PTPRA: variants seen among roughly 807,000 people sequenced by gnomAD.
PTPRA encodes the protein protein tyrosine phosphatase receptor type A.
In PTPRA, 25 loss-of-function variants were observed where a neutral mutation model predicts 104.8. The observed-to-expected ratio is 0.24, with a 90% CI of 0.17 to 0.33. PTPRA has a LOEUF of 0.33. Ranked by LOEUF, PTPRA falls within the 10% of genes least tolerant of loss-of-function variation. The pLI is 1.00. For synonymous variants in PTPRA, 323 were observed against 368.9 expected, an observed-to-expected ratio of 0.88 and a Z score of 1.43; for missense variants, 765 against 1,015.3, an observed-to-expected ratio of 0.75 and a Z score of 3.35.
intron 5 of PTPRA, among the ~76,000 whole-genome samples, chr20:2,966,691 GT>G (rs761816087): frequency 1.1e-4 from 17 of 152,144 alleles, no homozygotes; most frequent in Non-Finnish European, 2.4e-4. Context: ...TCTATTTTAT[GT>G]TTTATAGGTG....
At chr20:2,865,303 C>T in the PTPRA span, 14 of 1,614,050 alleles carry the variant, frequency 8.7e-6, no homozygotes, top group Non-Finnish European at 1.7e-6. This position sits in a 1 kb window ranked among gnomAD's most constrained non-coding sequence, Gnocchi z 5.2. Flanking sequence ...GTGACTTCCG[C>T]ATCCCTGACA....
intron 1 of PTPRA, among the ~76,000 whole-genome samples, chr20:2,882,460 A>T (rs1375181280): frequency 2.7e-5 from 4 of 150,784 alleles, no homozygotes; most frequent in Non-Finnish European, 5.9e-5. Flanking sequence ...TATTTTTTTT[A>T]TTTTTTATTT....
intron 2 of PTPRA, among the ~76,000 whole-genome samples, chr20:2,925,065 C>A (rs546636999): frequency 1.3e-3 from 192 of 152,282 alleles, no homozygotes; most frequent in Non-Finnish European, 2.2e-3. Context: ...ATTTTAACTA[C>A]TTTTAAAGTA....
At chr20:3,017,498 G>A (rs1269045975) in intron 12 of PTPRA, among the ~76,000 whole-genome samples, 1 of 152,148 alleles carries the variant, frequency 6.6e-6, no homozygotes, top group African/African-American at 2.4e-5. Flanking sequence ...TCACTGTCAG[G>A]TCCATAATGT....
chr20:2,898,434 G>A (rs1183637182), intron 1 of PTPRA, among the ~76,000 whole-genome samples: 2 of 150,954 alleles, frequency 1.3e-5, no homozygotes, highest in African/African-American at 2.4e-5. Context: ...GGCTGGTCTC[G>A]AACTCCTGAC....
At chr20:2,876,911 C>G (rs996636355) in intron 1 of PTPRA, among the ~76,000 whole-genome samples, 1 of 152,130 alleles carries the variant, frequency 6.6e-6, no homozygotes, top group Non-Finnish European at 1.5e-5. Flanking sequence ...CCACCCTATG[C>G]GATTCTAGCC....
Position 3,015,878 on chromosome 20 carries a change from T to C in PTPRA, c.936T>C (p.Ala312=). 6.4e-7 allele frequency: 1 copy of C among 1,567,232 alleles called. No individual in the cohort carries two copies. Among genetic ancestry groups the C allele is most frequent in the East Asian group, 2.2e-5 (1 of 44,552 alleles). The part of the protein sequence containing the change: ...NGYQEKNKFI[A]AQGPKEETVN... ...ACCAAGAAAAGAACAAATTCATTGC[T>C]GCACAAGGTAAAGTAATGACAACTT... The change falls in exon 12 of 24, where the codon GCT becomes GCC. Residue 312 remains alanine, a synonymous_variant. Transcript: ENST00000399903.
intron 1 of PTPRA, among the ~76,000 whole-genome samples, chr20:2,914,715 AATT>A (rs1462151897): frequency 6.6e-6 from 1 of 152,066 alleles, no homozygotes; most frequent in East Asian, 1.9e-4. Context: ...TTTTAGACTG[AATT>A]ATTTGGAGAC....
At position 2,986,757 on chromosome 20, in the gene PTPRA, G is replaced by C; in HGVS notation, c.443-8G>C. The C allele has an allele frequency of 6.2e-7, 1 of 1,606,942 alleles. No homozygotes were observed. Among genetic ancestry groups the C allele is most frequent in the Non-Finnish European group, 8.5e-7 (1 of 1,173,446 alleles). ...CAGTAATGACTTGTTCTGTTGTCTT[G>C]ATTTCAGATGAGACACCAATTATTG... On this transcript the variant is annotated splice_polypyrimidine_tract_variant and splice_region_variant and intron_variant, in intron 6 of 23. Transcript: ENST00000399903.
chr20:3,019,261 C>G (rs1181479928), intron 13 of PTPRA, among the ~76,000 whole-genome samples: 1 of 150,710 alleles, frequency 6.6e-6, no homozygotes, highest in Non-Finnish European at 1.5e-5. Flanking sequence ...GCTGACCCCC[C>G]CACCTCCCTC....
chr20:3,019,511 C>G (rs1243804124), intron 13 of PTPRA, among the ~76,000 whole-genome samples: 6 of 146,746 alleles, frequency 4.1e-5, no homozygotes, highest in African/African-American at 1.5e-4. Context: ...ACATCTCAGA[C>G]GATGGGCGGC....
intron 13 of PTPRA, among the ~76,000 whole-genome samples, chr20:3,018,878 A>T (rs1600262277): frequency 1.3e-4 from 11 of 87,172 alleles, no homozygotes; most frequent in South Asian, 1.0e-3. Flanking sequence ...TCCCTCCCGG[A>T]CGGGGTGGCT....
intron 9 of PTPRA, among the ~76,000 whole-genome samples, chr20:2,995,094 C>T (rs1331037771): frequency 6.6e-6 from 1 of 152,180 alleles, no homozygotes; most frequent in African/African-American, 2.4e-5. Flanking sequence ...TGCACCACTG[C>T]TCTCCAGCCT....
intron 2 of PTPRA, among the ~76,000 whole-genome samples, chr20:2,941,944 TCTC>T (rs1292931670): frequency 2.0e-5 from 3 of 152,138 alleles, no homozygotes; most frequent in South Asian, 4.1e-4. Flanking sequence ...TTCCATCACT[TCTC>T]CTATTTGTCT....
chr20:2,879,160 C>T (rs764981907), intron 1 of PTPRA, among the ~76,000 whole-genome samples: 2 of 152,082 alleles, frequency 1.3e-5, no homozygotes, highest in Non-Finnish European at 2.9e-5. Context: ...AATAGGGTGT[C>T]GGGAGTGTCA....
intron 1 of PTPRA, among the ~76,000 whole-genome samples, chr20:2,884,332 A>T (rs1199487415): frequency 6.6e-6 from 1 of 152,132 alleles, no homozygotes; most frequent in Admixed American, 6.5e-5. Flanking sequence ...TAAAGTGACT[A>T]CCCATTCCCA....
chr20:2,988,031 G>C lies in PTPRA; in HGVS notation c.528-1G>C. On this transcript the variant is annotated splice_acceptor_variant, in intron 7 of 23. Coordinates refer to ENST00000399903, the MANE Select transcript of PTPRA (RefSeq NM_001385305.1). LOFTEE classifies it high-confidence loss of function. ...CTTCACTGTGATCATTTTCTCATTA[G>C]GTTTAAGAAATACAAGCAAGCTGGG... The C allele has an allele frequency of 6.4e-7, 1 of 1,562,344 alleles. No individual in the cohort carries two copies. Among genetic ancestry groups the C allele is most frequent in the Non-Finnish European group, 8.8e-7 (1 of 1,132,944 alleles).
intron 6 of PTPRA, among the ~76,000 whole-genome samples, chr20:2,980,304 ACACCTATAATCCCAG>A (rs2062617534): frequency 1.3e-5 from 2 of 152,030 alleles, no homozygotes; most frequent in South Asian, 4.2e-4. Flanking sequence ...ACAGTGGCTC[ACACCTATAATCCCAG>A]CACTTTGGGA....
chr20:2,909,384 A>G (rs2059541154), intron 1 of PTPRA, among the ~76,000 whole-genome samples: 1 of 152,036 alleles, frequency 6.6e-6, no homozygotes, highest in Non-Finnish European at 1.5e-5. Flanking sequence ...GGAGTTTGAG[A>G]CCAGCTGGGC....
Sources: allele counts gnomAD v4.1 joint callset (sites outside exome capture counted in the v4.1 genomes callset), GRCh38; gene constraint gnomAD v4.1.1; non-coding constraint Gnocchi (gnomAD v3.1); transcripts MANE v1.5; gene names NCBI Gene and HGNC (gene_info 2026-07-23, HGNC 2026-07-21).